The following ZNF385D variants were observed in gnomAD, a reference collection of about 807,000 sequenced individuals.
ZNF385D encodes zinc finger protein 659.
A neutral mutation model predicts 35.8 loss-of-function variants in ZNF385D; 15 were observed. The ratio of observed to expected loss-of-function variants is 0.42; its 90% CI spans 0.28 to 0.64. The LOEUF is 0.64. Among genes scored for constraint, ZNF385D ranks in the 30% least tolerant of loss-of-function variants. The pLI is 0.23. For synonymous variants in ZNF385D, 212 were observed against 186.8 expected (o/e 1.13, Z -1.10); for missense variants, 474 against 494.6 (o/e 0.96, Z 0.39).
chr3:21,847,155 A>G (rs1226541814), intron 3 of ZNF385D, among the ~76,000 whole-genome samples: 1 of 152,098 alleles, frequency 6.6e-6, no homozygotes, highest in African/African-American at 2.4e-5. Flanking sequence ...TCAGCAGTAG[A>G]AACATGGAAG....
rs542070785 is a variant in ZNF385D, at chr3:22,038,987, A to T, written c.325+129830T>A. 1.1e-3 allele frequency among the ~76,000 whole-genome samples: 172 copies of T among 151,348 alleles called. 1 individual carries two copies. Among genetic ancestry groups the T allele is most frequent in the African/African-American group, 4.0e-3 (165 of 41,414 alleles). On this transcript the variant is annotated intron_variant, in intron 3 of 5. Coordinates refer to the ZNF385D transcript ENST00000494108. The stretch of plus-strand genomic sequence containing the variant: ...AGAGTATCTAAATTATAATCACATA[A>T]TTTTATCTTTCATTTTAACAATACC...
At chr3:22,003,797 G>T (rs1223303195) in intron 3 of ZNF385D, among the ~76,000 whole-genome samples, 3 of 151,660 alleles carry the variant, frequency 2.0e-5, no homozygotes, top group African/African-American at 7.3e-5. Flanking sequence ...AACCTAGGGG[G>T]CAGAGGCTGC....
chr3:21,583,832 G>A (rs987855162), intron 2 of ZNF385D, among the ~76,000 whole-genome samples: 6 of 150,028 alleles, frequency 4.0e-5, no homozygotes, highest in Non-Finnish European at 5.9e-5. Flanking sequence ...TTTTATGTTT[G>A]GTTCCCTTCA....
At chr3:22,111,371 G>T (rs1702527543) in intron 3 of ZNF385D, among the ~76,000 whole-genome samples, 1 of 151,858 alleles carries the variant, frequency 6.6e-6, no homozygotes, top group Admixed American at 6.6e-5. Flanking sequence ...TCAAGCAGAT[G>T]CTAGCAGAGC....
intron 2 of ZNF385D, among the ~76,000 whole-genome samples, chr3:22,326,143 G>A (rs565036021): frequency 3.3e-5 from 5 of 152,264 alleles, no homozygotes; most frequent in South Asian, 2.1e-4. Context: ...ATTTGCACTG[G>A]AGTCTGTATT....
At position 21,904,798 on chromosome 3, in the gene ZNF385D, T is replaced by C. The variant is rs149631945; in HGVS notation, c.326-239770A>G. ...ATGAGAAAATGTTTGCATTATGTCA[T>C]TGGATTGCAGAAAGAACAGTACTTA... On this transcript the variant is annotated intron_variant, in intron 3 of 5. Transcript: ENST00000494108. Among the ~76,000 whole-genome samples, 710 of 152,230 alleles carry C rather than the reference T, an allele frequency of 4.7e-3. 14 individuals are homozygous for C. Among genetic ancestry groups the C allele is most frequent in the Non-Finnish European group, 4.5e-3 (303 of 67,996 alleles).
chr3:22,203,505 C>A (rs187683703), intron 2 of ZNF385D, among the ~76,000 whole-genome samples: 1 of 152,110 alleles, frequency 6.6e-6, no homozygotes, highest in African/African-American at 2.4e-5. Flanking sequence ...TGTCTTATAG[C>A]TTAGGTACCA....
chr3:21,991,344 G>T (rs1695133488), intron 3 of ZNF385D, among the ~76,000 whole-genome samples: 2 of 152,122 alleles, frequency 1.3e-5, no homozygotes, highest in African/African-American at 4.8e-5. Context: ...CCAAAATCAT[G>T]CTCTCAGCTT....
intron 2 of ZNF385D, among the ~76,000 whole-genome samples, chr3:22,276,501 G>C (rs191121010): frequency 6.6e-6 from 1 of 152,242 alleles, no homozygotes; most frequent in South Asian, 2.1e-4. Flanking sequence ...AGAAGCTCAA[G>C]CAATGCACCT....
chr3:22,232,649 T>C (rs541986716), intron 2 of ZNF385D, among the ~76,000 whole-genome samples: 1 of 152,328 alleles, frequency 6.6e-6, no homozygotes, highest in East Asian at 1.9e-4. Context: ...TTTGGTTTTC[T>C]GTTATTGTGA....
chr3:22,118,020 T>C (rs1446683443), intron 3 of ZNF385D, among the ~76,000 whole-genome samples: 1 of 152,060 alleles, frequency 6.6e-6, no homozygotes, highest in Admixed American at 6.6e-5. Context: ...TTTGTTTAAA[T>C]AAAACCTGTG....
At chr3:22,259,961 G>A (rs1700536164) in intron 2 of ZNF385D, among the ~76,000 whole-genome samples, 1 of 151,916 alleles carries the variant, frequency 6.6e-6, no homozygotes, top group South Asian at 2.1e-4. Flanking sequence ...ACATAAAAGA[G>A]AAAAGGATTG....
intron 2 of ZNF385D, among the ~76,000 whole-genome samples, chr3:22,341,365 T>C (rs1695412558): frequency 6.6e-6 from 1 of 152,202 alleles, no homozygotes; most frequent in Non-Finnish European, 1.5e-5. Context: ...CTGATTTTGC[T>C]ACAAGGACTA....
chr3:21,520,598 G>A (rs1707844079), intron 3 of ZNF385D, among the ~76,000 whole-genome samples: 1 of 152,122 alleles, frequency 6.6e-6, no homozygotes, highest in Admixed American at 6.5e-5. Context: ...CTGGGAAGAA[G>A]CTTACCATCA....
At chr3:22,057,853 T>G (rs1172991817) in intron 3 of ZNF385D, among the ~76,000 whole-genome samples, 1 of 152,062 alleles carries the variant, frequency 6.6e-6, no homozygotes, top group African/African-American at 2.4e-5. Flanking sequence ...CTGACCTCCA[T>G]ACCCTGGAAG....
chr3:21,579,116 AAG>A (rs1559426151), intron 2 of ZNF385D: 1 of 152,162 alleles, frequency 6.6e-6, no homozygotes, highest in Non-Finnish European at 1.5e-5. Context: ...TATTGCCACA[AAG>A]AGAAGTCAGG....
chr3:22,098,407 G>A (rs968464115), intron 3 of ZNF385D, among the ~76,000 whole-genome samples: 1 of 151,970 alleles, frequency 6.6e-6, no homozygotes, highest in Non-Finnish European at 1.5e-5. Context: ...TTAGTGTTTA[G>A]GAAAAGGGAG....
At chr3:21,755,830 T>C (rs143781011), upstream of ZNF385D, among the ~76,000 whole-genome samples, 20 of 152,264 alleles carry the variant, frequency 1.3e-4, no homozygotes, top group African/African-American at 4.6e-4. Flanking sequence ...GTGCCAGGCA[T>C]TACTCCAGGT....
intron 2 of ZNF385D, among the ~76,000 whole-genome samples, chr3:22,179,280 C>T (rs1412448549): frequency 6.6e-6 from 1 of 152,116 alleles, no homozygotes; most frequent in Non-Finnish European, 1.5e-5. Flanking sequence ...GTTTGTAGTT[C>T]TCCTTGAAGA....
Sources: allele counts gnomAD v4.1 joint callset (sites outside exome capture counted in the v4.1 genomes callset), GRCh38; gene constraint gnomAD v4.1.1; transcripts MANE v1.5; gene names NCBI Gene and HGNC (gene_info 2026-07-23, HGNC 2026-07-21).